The following ABHD17B variants were observed in gnomAD, a reference collection of about 807,000 sequenced individuals.
The protein encoded by ABHD17B is alpha/beta hydrolase domain-containing protein 17B.
In ABHD17B, 9 loss-of-function variants were observed where a neutral mutation model predicts 26.2. The observed-to-expected ratio is 0.34, with a 90% CI of 0.21 to 0.60. The LOEUF is 0.60. Ranked by LOEUF, ABHD17B falls within the 20% of genes least tolerant of loss-of-function variation. The pLI is 0.80. For synonymous variants in ABHD17B, 127 were observed against 122.3 expected (o/e 1.04, Z -0.25); for missense variants, 224 against 352.1 (o/e 0.64, Z 2.91).
intron 3 of ABHD17B, among the ~76,000 whole-genome samples, 179 bp from the exon 4 acceptor site, chr9:71,867,185 T>G (rs2132120195): frequency 6.6e-6 from 1 of 152,324 alleles, no homozygotes; most frequent in East Asian, 1.9e-4. Context: ...ACTCCCTACC[T>G]TAAGATTATC....
downstream of ABHD17B, among the ~76,000 whole-genome samples, chr9:71,864,881 T>C (rs149572287): frequency 7.2e-3 from 1,099 of 152,304 alleles, 7 homozygotes; most frequent in African/African-American, 0.025. Context: ...TAACTGTCTG[T>C]TGAATGAACG....
chr9:71,866,539 C>T lies in ABHD17B; in HGVS notation c.*248G>A. The T allele has an allele frequency of 1.5e-6, 2 of 1,301,440 alleles. No individual in the cohort carries two copies. The highest frequency in any genetic ancestry group is 2.0e-6 in the Non-Finnish European group (2 of 1,022,310). The allele number at this position is 1,301,440 out of a possible 1,614,324, so 80.6% of individuals were successfully genotyped here. ...TAGAATTAAAATCTCATACAGTACT[C>T]ATCTTGATGTTAAAAAAAAATTCAC... On this transcript the variant is annotated 3_prime_UTR_variant, in exon 4 of 4. Transcript: ENST00000333421.
chr9:71,868,266 T>C (rs896918351), intron 3 of ABHD17B, among the ~76,000 whole-genome samples: 7 of 151,982 alleles, frequency 4.6e-5, no homozygotes, highest in African/African-American at 1.7e-4. Context: ...TCTTTGGAGA[T>C]TATTATCAGA....
intron 2 of ABHD17B, among the ~76,000 whole-genome samples, chr9:71,873,187 C>A (rs1826161934): frequency 1.3e-5 from 2 of 151,548 alleles, no homozygotes; most frequent in African/African-American, 4.9e-5. Context: ...TAAAGAATAG[C>A]CTATATTAAG....
intron 1 of ABHD17B, among the ~76,000 whole-genome samples, chr9:71,905,191 C>G (rs1376182081): frequency 4.0e-5 from 6 of 151,092 alleles, no homozygotes; most frequent in Non-Finnish European, 7.4e-5. Context: ...GGCGCGATCT[C>G]GGCTCACTGC....
intron 1 of ABHD17B, among the ~76,000 whole-genome samples, chr9:71,893,994 G>A (rs545078794): frequency 6.7e-6 from 1 of 149,154 alleles, no homozygotes; most frequent in Admixed American, 6.8e-5. Context: ...GGAGGCTGAG[G>A]CAAGAGAATG....
Position 71,874,704 on chromosome 9 carries a change from T to A in ABHD17B, c.377A>T (p.Asp126Val). 1 of 1,614,128 alleles carries A rather than the reference T, an allele frequency of 6.2e-7. No individual in the cohort carries two copies. The highest frequency in any genetic ancestry group is 1.1e-5 in the South Asian group (1 of 91,074). ...SRINCNIFSY[D>V]YSGYGASSGK... Reference sequence around the variant, plus strand: ...GGAACTGGCACCATATCCAGAATAATCATATGAGAATATATTACAATTAAT... The same window carrying A: ...GGAACTGGCACCATATCCAGAATAAACATATGAGAATATATTACAATTAAT... The change falls in exon 2 of 4, where the codon GAT (aspartate) becomes GTT (valine). Residue 126 changes from aspartate to valine, a missense_variant. Transcript: ENST00000333421.
intron 1 of ABHD17B, among the ~76,000 whole-genome samples, chr9:71,887,920 G>C (rs1418699865): frequency 6.6e-6 from 1 of 152,186 alleles, no homozygotes; most frequent in Non-Finnish European, 1.5e-5. Flanking sequence ...TTAAAAATGA[G>C]CAGTGCAACT....
chr9:71,873,752 C>T (rs1004462785), intron 2 of ABHD17B, among the ~76,000 whole-genome samples: 3 of 152,036 alleles, frequency 2.0e-5, no homozygotes, highest in Non-Finnish European at 4.4e-5. Flanking sequence ...CCAGACTGGT[C>T]TCGAACTCCT....
At chr9:71,886,746 A>T (rs980719416) in intron 1 of ABHD17B, among the ~76,000 whole-genome samples, 2 of 152,110 alleles carry the variant, frequency 1.3e-5, no homozygotes, top group Non-Finnish European at 2.9e-5. Context: ...CAGATGAAAC[A>T]AGTTTCATCT....
intron 1 of ABHD17B, among the ~76,000 whole-genome samples, chr9:71,907,050 T>C (rs1219723857): frequency 6.6e-6 from 1 of 152,206 alleles, no homozygotes; most frequent in African/African-American, 2.4e-5. Context: ...ATATTTTCTA[T>C]GAACATGGGA....
downstream of ABHD17B, among the ~76,000 whole-genome samples, chr9:71,864,008 CT>C (rs1408711635): frequency 6.6e-6 from 1 of 152,082 alleles, no homozygotes; most frequent in Non-Finnish European, 1.5e-5. Flanking sequence ...TTTCACCACT[CT>C]AAAATTAGAT....
At chr9:71,879,987 T>A (rs570018309) in intron 1 of ABHD17B, among the ~76,000 whole-genome samples, 3 of 152,240 alleles carry the variant, frequency 2.0e-5, no homozygotes, top group Non-Finnish European at 4.4e-5. Context: ...AAGAAAGAGA[T>A]AAGCAAAATA....
intron 1 of ABHD17B, among the ~76,000 whole-genome samples, chr9:71,901,991 G>A (rs1164872473): frequency 6.6e-6 from 1 of 152,044 alleles, no homozygotes; most frequent in African/African-American, 2.4e-5. Flanking sequence ...CCTTATTTCT[G>A]AGCACTGTCC....
intron 1 of ABHD17B, among the ~76,000 whole-genome samples, chr9:71,892,588 A>G (rs1201313886): frequency 1.3e-5 from 2 of 151,602 alleles, no homozygotes; most frequent in African/African-American, 2.4e-5. Flanking sequence ...CAAGTACACT[A>G]TATTTACCAA....
chr9:71,864,733 T>C (rs1229062221), downstream of ABHD17B, among the ~76,000 whole-genome samples: 1 of 152,184 alleles, frequency 6.6e-6, no homozygotes, highest in African/African-American at 2.4e-5. Flanking sequence ...TACAATACCT[T>C]ACAAATCTCC....
intron 2 of ABHD17B, among the ~76,000 whole-genome samples, chr9:71,871,127 T>C (rs899217694): frequency 6.6e-6 from 1 of 152,188 alleles, no homozygotes; most frequent in South Asian, 2.1e-4. Context: ...TGACATTAAA[T>C]ACACCTTTCC....
In ABHD17B at chr9:71,866,776, T is replaced by C. The variant is rs1271102081; in HGVS notation, c.*11A>G. 13 of 1,613,560 alleles carry C rather than the reference T, an allele frequency of 8.1e-6. No homozygotes were observed. Among genetic ancestry groups the C allele is most frequent in the Admixed American group, 1.7e-5 (1 of 59,974 alleles). ...AGAAAGGAAAACCCAGTAGCAAATT[T>C]ACAGAATATTTTACAAATTTACCAG... On this transcript the variant is annotated 3_prime_UTR_variant, in exon 4 of 4. Coordinates refer to ENST00000333421, the MANE Select transcript of ABHD17B (RefSeq NM_001025780.3).
chr9:71,900,320 C>T (rs574107330), intron 1 of ABHD17B, among the ~76,000 whole-genome samples: 1 of 152,294 alleles, frequency 6.6e-6, no homozygotes, highest in East Asian at 1.9e-4. Context: ...AGACGGCCTA[C>T]AAGGTGATTT....
Sources: allele counts gnomAD v4.1 joint callset (sites outside exome capture counted in the v4.1 genomes callset), GRCh38; gene constraint gnomAD v4.1.1; transcripts MANE v1.5; gene names NCBI Gene and HGNC (gene_info 2026-07-23, HGNC 2026-07-21).